Variants in ANO10 observed in about 807,000 individuals in gnomAD.
ANO10 encodes the protein anoctamin 10, also known as anoctamin-10.
A neutral mutation model predicts 74.7 loss-of-function variants in ANO10; 77 were observed. That is an observed-to-expected ratio of 1.03 (90% CI 0.86 to 1.25). The LOEUF (loss-of-function observed/expected upper bound fraction) is 1.25, where lower values mean the gene tolerates loss of function less well. ANO10 is among the 50% of genes most tolerant of loss of function. ANO10 has a pLI of 0.00. For missense variants in ANO10, 721 were observed against 778.1 expected (o/e 0.93, Z 0.87); for synonymous variants, 279 against 284.9 (o/e 0.98, Z 0.21).
intron 11 of ANO10, among the ~76,000 whole-genome samples, chr3:43,545,731 A>G (rs528874630): frequency 6.6e-6 from 1 of 152,294 alleles, no homozygotes; most frequent in Admixed American, 6.5e-5. Flanking sequence ...GGTATAACTG[A>G]CAAATAAAAA....
At chr3:43,400,177 T>G (rs1376332088) in intron 12 of ANO10, among the ~76,000 whole-genome samples, 1 of 152,062 alleles carries the variant, frequency 6.6e-6, no homozygotes, top group East Asian at 1.9e-4. Flanking sequence ...ATGCTTTTCT[T>G]TCATGTTTCC....
intron 12 of ANO10, among the ~76,000 whole-genome samples, chr3:43,427,077 G>T (rs888263029): frequency 6.6e-6 from 1 of 152,070 alleles, no homozygotes; most frequent in Non-Finnish European, 1.5e-5. Context: ...TGATGTGCTG[G>T]TTTAAAAAGG....
chr3:43,517,833 T>C (rs949459607), intron 11 of ANO10, among the ~76,000 whole-genome samples: 3 of 152,162 alleles, frequency 2.0e-5, no homozygotes, highest in Non-Finnish European at 4.4e-5. Flanking sequence ...AGCCCACTGA[T>C]TGTGTGCTTA....
Position 43,475,128 on chromosome 3 carries a change from A to G in ANO10, c.1798-42401T>C, listed in dbSNP as rs542911041. Among the ~76,000 whole-genome samples, 4 of 152,308 alleles carry G rather than the reference A, an allele frequency of 2.6e-5. No homozygotes were observed. The South Asian group carries it at 6.2e-4, about 24-fold the overall frequency. The stretch of plus-strand genomic sequence containing the variant: ...CTTTATAAGCTTTTCACTTAGCACT[A>G]TGTCACGGCTGTCTTTCCAAGGATA... On this transcript the variant is annotated intron_variant, in intron 11 of 12. Coordinates refer to ENST00000292246, the MANE Select transcript of ANO10 (RefSeq NM_018075.5).
chr3:43,402,097 C>T (rs2092492231), intron 12 of ANO10, among the ~76,000 whole-genome samples: 1 of 152,246 alleles, frequency 6.6e-6, no homozygotes, highest in African/African-American at 2.4e-5. Context: ...CAGCTGGCCT[C>T]TGGCATGCCT....
chr3:43,400,132 G>A (rs1041907016), intron 12 of ANO10, among the ~76,000 whole-genome samples: 4 of 152,010 alleles, frequency 2.6e-5, no homozygotes, highest in Non-Finnish European at 5.9e-5. Context: ...TTGGCTGATG[G>A]CACTCTTTTA....
chr3:43,526,948 CAT>C (rs1244345414), intron 11 of ANO10, among the ~76,000 whole-genome samples: 2 of 151,840 alleles, frequency 1.3e-5, no homozygotes, highest in Non-Finnish European at 2.9e-5. Flanking sequence ...TACACACATA[CAT>C]ATGTGTGTGT....
chr3:43,538,881 A>G (rs766961513), intron 11 of ANO10, among the ~76,000 whole-genome samples: 1 of 152,238 alleles, frequency 6.6e-6, no homozygotes, highest in African/African-American at 2.4e-5. Flanking sequence ...AAGAAGATAC[A>G]GTAAATTCAA....
intron 11 of ANO10, among the ~76,000 whole-genome samples, chr3:43,500,940 TA>T (rs2077077781): frequency 6.6e-6 from 1 of 151,964 alleles, no homozygotes; most frequent in African/African-American, 2.4e-5. Context: ...ATAACACAGG[TA>T]TGTAAGAGGG....
At chr3:43,394,706 A>G (rs1032957874) in intron 12 of ANO10, among the ~76,000 whole-genome samples, 3 of 152,206 alleles carry the variant, frequency 2.0e-5, no homozygotes, top group African/African-American at 7.2e-5. Flanking sequence ...ACAGTGGTTA[A>G]GAGAAGGCCA....
intron 12 of ANO10, among the ~76,000 whole-genome samples, chr3:43,404,800 T>C (rs1240235415): frequency 6.7e-6 from 1 of 149,326 alleles, no homozygotes; most frequent in African/African-American, 2.5e-5. Context: ...GGAAGATCAT[T>C]TGAGCCCAGG....
At chr3:43,635,075 G>A (rs1374309616) in intron 1 of ANO10, among the ~76,000 whole-genome samples, 1 of 151,982 alleles carries the variant, frequency 6.6e-6, no homozygotes, top group East Asian at 1.9e-4. Flanking sequence ...AAGGAGGGAG[G>A]GAGGGGTCAT....
chr3:43,690,745 C>T lies in ANO10; in HGVS notation c.-12+772G>A, dbSNP rs79436573. 10,144 of 426,546 alleles carry T rather than the reference C, an allele frequency of 0.024. 174 individuals carry two copies. Among genetic ancestry groups the T allele is most frequent in the South Asian group, 0.073 (1,227 of 16,742 alleles). The allele number at this position is 426,546 out of a possible 1,614,324, so 26.4% of individuals were successfully genotyped here. On this transcript the variant is annotated intron_variant, in intron 1 of 3. Coordinates refer to the ANO10 transcript ENST00000413397. Reference sequence around the variant, plus strand: ...GCCAGTCCCTCTGGGCTGACTGTCCCGCCCCGCGCTTACACCCGGGAGCGT... The same window carrying T: ...GCCAGTCCCTCTGGGCTGACTGTCCTGCCCCGCGCTTACACCCGGGAGCGT...
At chr3:43,474,269 A>G (rs183869047) in intron 11 of ANO10, among the ~76,000 whole-genome samples, 24 of 150,284 alleles carry the variant, frequency 1.6e-4, no homozygotes, top group African/African-American at 5.4e-4. Flanking sequence ...TCAGCTCACA[A>G]GAGAAAACTG....
chr3:43,633,655 A>T (rs2083573106), intron 1 of ANO10, among the ~76,000 whole-genome samples: 1 of 152,228 alleles, frequency 6.6e-6, no homozygotes, highest in Non-Finnish European at 1.5e-5. Flanking sequence ...CAAGAACTAC[A>T]AAGGGGTTGA....
At chr3:43,558,407 C>G (rs2079867411) in intron 9 of ANO10, among the ~76,000 whole-genome samples, 1 of 151,896 alleles carries the variant, frequency 6.6e-6, no homozygotes, top group Non-Finnish European at 1.5e-5. Context: ...CAGCAGAGGA[C>G]AGTGAAGATC....
chr3:43,601,913 C>T (rs1447007869), intron 2 of ANO10, among the ~76,000 whole-genome samples: 8 of 152,184 alleles, frequency 5.3e-5, no homozygotes, highest in African/African-American at 1.9e-4. Context: ...CAGGGTTGAC[C>T]GCCAGGCTCC....
intron 11 of ANO10, among the ~76,000 whole-genome samples, chr3:43,505,470 A>C (rs2077260634): frequency 2.0e-5 from 3 of 152,218 alleles, no homozygotes; most frequent in South Asian, 4.1e-4. Context: ...CATCATCTAC[A>C]TGGGTTTACT....
intron 11 of ANO10, among the ~76,000 whole-genome samples, chr3:43,545,554 C>T (rs193191862): frequency 4.1e-4 from 62 of 152,084 alleles, no homozygotes; most frequent in African/African-American, 1.3e-3. Flanking sequence ...TTAGTACAGA[C>T]GGGGTTTCAT....
Sources: gnomAD v4.1 joint callset for allele counts (sites outside exome capture counted in the v4.1 genomes callset) on GRCh38, gnomAD v4.1.1 for gene constraint, MANE v1.5 for transcripts, NCBI Gene and HGNC (gene_info 2026-07-23, HGNC 2026-07-21) for gene names.